The following FAM161B variants were observed in gnomAD, a reference collection of about 807,000 sequenced individuals.
FAM161B encodes the protein FAM161 centrosomal protein B, also known as protein FAM161B.
In FAM161B, 46 loss-of-function variants were observed where a neutral mutation model predicts 61.5. That is an observed-to-expected ratio of 0.75 (90% CI 0.59 to 0.96). FAM161B has a LOEUF of 0.96. FAM161B is among the 40% of genes least tolerant of loss of function. The pLI, the probability that FAM161B is intolerant of heterozygous loss-of-function variation, is 0.00. For synonymous variants in FAM161B, 284 were observed against 302.7 expected (o/e 0.94, Z 0.64); for missense variants, 774 against 800.7 (o/e 0.97, Z 0.40).
chr14:73,935,007 G>A lies in FAM161B; in HGVS notation c.1806-613C>T, dbSNP rs921156739. Among the ~76,000 whole-genome samples, 167 of 151,638 alleles carry A rather than the reference G, an allele frequency of 1.1e-3. 1 individual carries two copies. The highest frequency in any genetic ancestry group is 1.8e-3 in the East Asian group (9 of 5,104). On this transcript the variant is annotated intron_variant, in intron 8 of 8. Transcript: ENST00000286544. ...GACTGCAGTGAGCAGAGACTGCAGT[G>A]AGCCAAGACTGCGCCACTGCACTCC...
At chr14:73,923,511 A>C in the FAM161B span, 169 of 1,612,784 alleles carry the variant, frequency 1.0e-4, 2 homozygotes, top group Non-Finnish European at 6.6e-5. Flanking sequence ...AACTGCAGTA[A>C]ATCCACAAGA....
intron 8 of FAM161B, among the ~76,000 whole-genome samples, chr14:73,934,706 C>CA (rs2055956590): frequency 6.6e-6 from 1 of 151,970 alleles, no homozygotes; most frequent in African/African-American, 2.4e-5. Context: ...GTCAGCCTCT[C>CA]AAAGTGCTGG....
intron 2 of FAM161B, among the ~76,000 whole-genome samples, chr14:73,945,940 C>A (rs1464772761): frequency 6.6e-6 from 1 of 152,076 alleles, no homozygotes; most frequent in Non-Finnish European, 1.5e-5. Flanking sequence ...TGGGGTTTCA[C>A]CATGTTGGCC....
chr14:73,930,028 T>C (rs114360705), downstream of FAM161B, among the ~76,000 whole-genome samples: 846 of 152,320 alleles, frequency 5.6e-3, 4 homozygotes, highest in African/African-American at 0.019. Flanking sequence ...CATATTTACA[T>C]TGAGTTCACA....
At chr14:73,937,885 A>G (rs2055983607) in intron 6 of FAM161B, 63 bp downstream of exon 6, 15 of 1,598,368 alleles carry the variant, frequency 9.4e-6, no homozygotes, top group African/African-American at 1.4e-5. Flanking sequence ...TTTTCTGGCA[A>G]TAGGCCAGTG....
chr14:73,938,179 C>T, intron 5 of FAM161B, 67 bp from the exon 6 acceptor site: 2 of 1,571,602 alleles, frequency 1.3e-6, no homozygotes, highest in Non-Finnish European at 1.7e-6. Flanking sequence ...CAATCTTAGG[C>T]CAGGTGTGGT....
rs949757048 is a variant in FAM161B at position 73,944,805 on chromosome 14, C to G, written c.455G>C (p.Gly152Ala). Residue 152 changes from glycine (G) to alanine (A), a missense_variant, in exon 3 of 9, where the codon GGC becomes GCC. Transcript: ENST00000286544. ...IPRPQTQPPS[G>A]SRPPSQHRSV... ...TCTGTGCTGGGAGGGAGGCCGGGAG[C>G]CTGAGGGTGGCTGGGTCTGAGGCCT... 1 of 1,573,012 alleles carries G rather than the reference C, an allele frequency of 6.4e-7. No individual in the cohort carries two copies.
Position 73,934,152 on chromosome 14 carries a change from C to A in FAM161B, c.*104G>T. 1 of 1,372,726 alleles carries A rather than the reference C, an allele frequency of 7.3e-7. No homozygotes were observed. Among genetic ancestry groups the A allele is most frequent in the East Asian group, 2.4e-5 (1 of 42,318 alleles). The allele number at this position is 1,372,726 out of a possible 1,614,324, so 85.0% of individuals were successfully genotyped here. ...ATCTGCTACTCTTCATTTGTCCATCCTCTAACAGTAGCCATGACTCAAAAC... is the reference window on the plus strand; with the variant it reads ...ATCTGCTACTCTTCATTTGTCCATCATCTAACAGTAGCCATGACTCAAAAC... On this transcript the variant is annotated 3_prime_UTR_variant, in exon 9 of 9. Transcript: ENST00000286544.
chr14:73,937,553 A>G (rs1566673100), intron 7 of FAM161B, 49 bp downstream of exon 7: 1 of 1,525,248 alleles, frequency 6.6e-7, no homozygotes, highest in Non-Finnish European at 8.9e-7. Flanking sequence ...AATTTTTCAG[A>G]GTCCTTTTAT....
intron 5 of FAM161B, among the ~76,000 whole-genome samples, chr14:73,939,590 C>G (rs1022338748): frequency 4.6e-5 from 7 of 152,194 alleles, no homozygotes; most frequent in African/African-American, 1.7e-4. Flanking sequence ...AAGCCTCTGG[C>G]CTTGACCACT....
At chr14:73,928,328 CTG>C (rs1006083372), downstream of FAM161B, among the ~76,000 whole-genome samples, 2 of 151,970 alleles carry the variant, frequency 1.3e-5, no homozygotes, top group African/African-American at 4.8e-5. Flanking sequence ...TAGAGGGCCT[CTG>C]TGGAACTGTA....
At chr14:73,924,172 G>A in the FAM161B span, among the ~76,000 whole-genome samples, 24 of 152,264 alleles carry the variant, frequency 1.6e-4, no homozygotes, top group African/African-American at 3.4e-4. Flanking sequence ...ACCAGGGACC[G>A]GTTTCGTTTC....
At chr14:73,942,998 C>T (rs143688534) in intron 3 of FAM161B, among the ~76,000 whole-genome samples, 141 of 151,694 alleles carry the variant, frequency 9.3e-4, no homozygotes, top group Non-Finnish European at 1.4e-3. Context: ...CTGTGTCAAT[C>T]AGGCTGCAGA....
Position 73,944,934 on chromosome 14 carries a change from C to T in FAM161B, c.375-49G>A, listed in dbSNP as rs554411931. 6.9e-6 allele frequency: 10 copies of T among 1,441,542 alleles called. No individual in the cohort carries two copies. In the African/African-American group the frequency reaches 1.1e-4, roughly 16 times the overall value. The allele number at this position is 1,441,542 out of a possible 1,614,324, so 89.3% of individuals were successfully genotyped here. On this transcript the variant is annotated intron_variant, in intron 2 of 8. Transcript: ENST00000286544. ...GTGGAGGACAGGGCAGTCAGGAGGC[C>T]CTGCTCCCTCCAGACCTCCTCCCCA... is the stretch of plus-strand genomic sequence containing the variant.
chr14:73,941,475 T>C (rs2056018478), intron 4 of FAM161B, among the ~76,000 whole-genome samples: 1 of 152,142 alleles, frequency 6.6e-6, no homozygotes, highest in Admixed American at 6.6e-5. Flanking sequence ...AATGAGAATC[T>C]TCATTTTTTT....
At chr14:73,949,678 C>A (rs973465019) in intron 1 of FAM161B, among the ~76,000 whole-genome samples, 2 of 147,756 alleles carry the variant, frequency 1.4e-5, no homozygotes, top group African/African-American at 4.9e-5. Context: ...GAGCAATTTT[C>A]TTAATCTCTT....
intron 4 of FAM161B, 95 bp from the exon 5 acceptor site, chr14:73,941,148 C>T (rs1247283937): frequency 3.6e-6 from 5 of 1,372,162 alleles, no homozygotes; most frequent in Admixed American, 2.7e-5. Flanking sequence ...AGTCTCGTCT[C>T]GCTCTTTTGC....
chr14:73,923,320 T>G, the FAM161B span: 5 of 1,509,646 alleles, frequency 3.3e-6, no homozygotes, highest in East Asian at 4.7e-5. Flanking sequence ...GAGTTGTTAA[T>G]GAGAGGCTTA....
downstream of FAM161B, among the ~76,000 whole-genome samples, chr14:73,929,754 C>T (rs559730541): frequency 6.6e-5 from 10 of 151,676 alleles, no homozygotes; most frequent in African/African-American, 2.4e-4. Context: ...GAAGTTGAGG[C>T]TGTAGTGAGC....
Sources: gnomAD v4.1 joint callset for allele counts (sites outside exome capture counted in the v4.1 genomes callset) on GRCh38, gnomAD v4.1.1 for gene constraint, MANE v1.5 for transcripts, NCBI Gene and HGNC (gene_info 2026-07-23, HGNC 2026-07-21) for gene names.